The following NLRC4 variants were observed in gnomAD, a reference collection of about 807,000 sequenced individuals.
NLRC4 encodes NLR family CARD domain containing 4, also known as NLR family CARD domain-containing protein 4.
Under a neutral mutation model 79.9 loss-of-function variants are expected in NLRC4, and 63 were observed. The ratio of observed to expected loss-of-function variants is 0.79; its 90% CI spans 0.64 to 0.97. The LOEUF (loss-of-function observed/expected upper bound fraction) is 0.97, where lower values mean the gene tolerates loss of function less well. Ranked by LOEUF, NLRC4 falls within the 50% of genes least tolerant of loss-of-function variation. The probability of loss-of-function intolerance (pLI) is 0.00; values close to 1 mark genes in which losing one functional copy is unlikely to be tolerated. For missense variants in NLRC4, 1,074 were observed against 1,215.2 expected (o/e 0.88, Z 1.73); for synonymous variants, 461 against 456.5 (o/e 1.01, Z -0.12).
At chr2:32,260,537 C>T (rs1172130316) in intron 1 of NLRC4, among the ~76,000 whole-genome samples, 2 of 152,158 alleles carry the variant, frequency 1.3e-5, no homozygotes, top group Non-Finnish European at 2.9e-5. Context: ...AGTTTCCTTT[C>T]ATTCAAAAAG....
intron 1 of NLRC4, among the ~76,000 whole-genome samples, chr2:32,264,178 G>A (rs1687414975): frequency 6.6e-6 from 1 of 152,086 alleles, no homozygotes; most frequent in Non-Finnish European, 1.5e-5. Context: ...GCTCACACCT[G>A]TAATCCCAGC....
In NLRC4 at chr2:32,224,730, G is replaced by C; in HGVS notation, c.2818C>G (p.Gln940Glu). The stretch of plus-strand genomic sequence containing the variant: ...CGATTTCCCGCCAAATTCAACTGCT[G>C]GAAGTTTTTCAGAGGGTTCTTTCCA... ...FFGKNPLKNF[Q>E]QLNLAGNRVS... Residue 940 changes from glutamine to glutamate, a missense_variant, in exon 9 of 9, where the codon CAG becomes GAG. Gln to Glu is a conservative substitution (Grantham distance 29). Coordinates refer to ENST00000402280, the MANE Select transcript of NLRC4 (RefSeq NM_001199138.2). The C allele has an allele frequency of 6.3e-7, 1 of 1,593,020 alleles. No homozygotes were observed. The highest frequency in any genetic ancestry group is 2.3e-5 in the East Asian group (1 of 44,260).
chr2:32,224,747 T>C lies in NLRC4; in HGVS notation c.2801A>G (p.Asn934Ser). Residue 934 changes from asparagine (N) to serine (S), a missense_variant, in exon 9 of 9, where the codon AAC becomes AGC. Coordinates refer to ENST00000402280, the MANE Select transcript of NLRC4 (RefSeq NM_001199138.2). ...IRILGAFFGKNPLKNFQQLNL... is the reference protein window; with the variant it reads ...IRILGAFFGKSPLKNFQQLNL... ...CAACTGCTGGAAGTTTTTCAGAGGG[T>C]TCTTTCCAAAAAATGCACCTGGGTA... 2 of 1,576,784 alleles carry C rather than the reference T, an allele frequency of 1.3e-6. No individual in the cohort carries two copies. Among genetic ancestry groups the C allele is most frequent in the Non-Finnish European group, 1.7e-6 (2 of 1,164,238 alleles).
intron 5 of NLRC4, among the ~76,000 whole-genome samples, chr2:32,239,966 G>T (rs1256454659): frequency 6.6e-6 from 1 of 151,966 alleles, no homozygotes; most frequent in East Asian, 1.9e-4. Context: ...AAAGAAGTCA[G>T]CCATGTTTTG....
intron 7 of NLRC4, among the ~76,000 whole-genome samples, chr2:32,235,923 T>C (rs538181387): frequency 2.2e-4 from 33 of 152,298 alleles, no homozygotes; most frequent in South Asian, 1.0e-3. Flanking sequence ...CACATATCAC[T>C]ATCACACCTA....
At position 32,235,392 on chromosome 2, in the gene NLRC4, T is replaced by A. The variant is rs375516770; in HGVS notation, c.2782+9A>T. ...TCCAGTTATCTTGGCTCTGTATGTG[T>A]GTACCTACCTAAAATTCTAATCTCT... On this transcript the variant is annotated intron_variant, in intron 8 of 8. Coordinates refer to ENST00000402280, the MANE Select transcript of NLRC4 (RefSeq NM_001199138.2). 2.4e-5 allele frequency: 38 copies of A among 1,610,830 alleles called. No homozygotes were observed. Among genetic ancestry groups the A allele is most frequent in the Non-Finnish European group, 3.1e-5 (37 of 1,176,916 alleles).
chr2:32,233,278 A>G, intron 8 of NLRC4, among the ~76,000 whole-genome samples: 1 of 140,010 alleles, frequency 7.1e-6, no homozygotes, highest in Non-Finnish European at 1.5e-5. Context: ...CATAGGTTTC[A>G]GTATGTTGTG....
At chr2:32,236,658 A>G (rs80107418) in intron 6 of NLRC4, among the ~76,000 whole-genome samples, 5 of 152,168 alleles carry the variant, frequency 3.3e-5, no homozygotes, top group Admixed American at 6.5e-5. Flanking sequence ...CTAAGCCTCA[A>G]TGTCTTCCTC....
intron 1 of NLRC4, among the ~76,000 whole-genome samples, chr2:32,263,161 A>G (rs1414145689): frequency 1.3e-5 from 2 of 152,196 alleles, no homozygotes; most frequent in African/African-American, 4.8e-5. Flanking sequence ...AATAAGGGAA[A>G]GAGTACATAT....
At chr2:32,248,940 A>G (rs1371216747) in intron 4 of NLRC4, among the ~76,000 whole-genome samples, 2 of 152,214 alleles carry the variant, frequency 1.3e-5, no homozygotes, top group Non-Finnish European at 2.9e-5. Context: ...TCCATCTGCC[A>G]TAACTACAGC....
Position 32,224,619 on chromosome 2 carries a change from A to AT in NLRC4, c.2928dup (p.Phe977IlefsTer4). 6.2e-7 allele frequency: 1 copy of AT among 1,613,938 alleles called. No homozygotes were observed. The highest frequency in any genetic ancestry group is 8.5e-7 in the Non-Finnish European group (1 of 1,179,864). ...CTGACTAATGCTGGATCAGGTAGAA[A>AT]TTCTTTAGTACTAAAGTCAAAAAAC... On this transcript the variant is annotated frameshift_variant, in exon 9 of 9. Transcript: ENST00000402280. LOFTEE classifies it high-confidence loss of function.
chr2:32,233,821 T>C (rs1686609990), intron 8 of NLRC4, among the ~76,000 whole-genome samples: 2 of 152,276 alleles, frequency 1.3e-5, no homozygotes, highest in South Asian at 4.2e-4. Flanking sequence ...GCAGATTAAG[T>C]CTGATGTTTC....
chr2:32,247,110 A>G (rs528249369), intron 4 of NLRC4, among the ~76,000 whole-genome samples: 68 of 152,196 alleles, frequency 4.5e-4, no homozygotes, highest in African/African-American at 1.6e-3. Context: ...ATCTTCTACA[A>G]TTTCCCAGAT....
intron 8 of NLRC4, among the ~76,000 whole-genome samples, chr2:32,226,506 T>TTC (rs778741913): frequency 6.6e-5 from 10 of 152,336 alleles, no homozygotes; most frequent in Non-Finnish European, 8.8e-5. Flanking sequence ...ATTCACAGGG[T>TTC]TCTGCCTTCA....
intron 2 of NLRC4, among the ~76,000 whole-genome samples, chr2:32,255,267 T>A (rs2148945460): frequency 6.6e-6 from 1 of 152,156 alleles, no homozygotes; most frequent in South Asian, 2.1e-4. Flanking sequence ...ACACCTGTAA[T>A]CCCAGCACTT....
intron 1 of NLRC4, among the ~76,000 whole-genome samples, chr2:32,260,687 A>T (rs1687322316): frequency 2.0e-5 from 3 of 152,208 alleles, no homozygotes; most frequent in Admixed American, 2.0e-4. Context: ...CATATTCAAC[A>T]TGGCGGATCC....
In NLRC4 at chr2:32,254,297, A is replaced by G. The variant is rs185943896; in HGVS notation, c.2-1618T>C. 1.2e-3 allele frequency among the ~76,000 whole-genome samples: 175 copies of G among 152,130 alleles called. 6 individuals carry two copies. The highest frequency in any genetic ancestry group is 4.0e-3 in the African/African-American group (167 of 41,396). Reference sequence around the variant, plus strand: ...ACAAAGTAATAACTCAATATATGTTAGCTACTATTTTTAGCCTTTATTCAG... The same window carrying G: ...ACAAAGTAATAACTCAATATATGTTGGCTACTATTTTTAGCCTTTATTCAG... On this transcript the variant is annotated intron_variant, in intron 2 of 8. Coordinates refer to ENST00000402280, the MANE Select transcript of NLRC4 (RefSeq NM_001199138.2).
At chr2:32,227,171 T>TAAAAAA (rs35563451) in intron 8 of NLRC4, among the ~76,000 whole-genome samples, 1 of 147,444 alleles carries the variant, frequency 6.8e-6, no homozygotes. Flanking sequence ...AATAGAGGAG[T>TAAAAAA]AAAAAAAAAA....
At chr2:32,236,699 T>G (rs758323155) in intron 6 of NLRC4, among the ~76,000 whole-genome samples, 54 of 152,140 alleles carry the variant, frequency 3.5e-4, no homozygotes, top group Non-Finnish European at 1.8e-4. Context: ...CCAGATAAAA[T>G]GTAAAGTTGC....
Sources: gnomAD v4.1 joint callset for allele counts (sites outside exome capture counted in the v4.1 genomes callset) on GRCh38, gnomAD v4.1.1 for gene constraint, MANE v1.5 for transcripts, NCBI Gene and HGNC (gene_info 2026-07-23, HGNC 2026-07-21) for gene names.